The following GRXCR1 variants were observed in gnomAD, a reference collection of about 807,000 sequenced individuals.
GRXCR1 encodes glutaredoxin and cysteine rich domain containing 1.
Under a neutral mutation model 27.3 loss-of-function variants are expected in GRXCR1, and 27 were observed. That is an observed-to-expected ratio of 0.99 (90% CI 0.73 to 1.37). GRXCR1 has a LOEUF of 1.37. GRXCR1 is among the 40% of genes most tolerant of loss of function. GRXCR1 has a pLI of 0.00. For synonymous variants in GRXCR1, 122 were observed against 131.1 expected, an observed-to-expected ratio of 0.93 and a Z score of 0.47; for missense variants, 379 against 354.4, an observed-to-expected ratio of 1.07 and a Z score of -0.56.
chr4:42,971,283 GT>G, intron 2 of GRXCR1, among the ~76,000 whole-genome samples: 1 of 152,176 alleles, frequency 6.6e-6, no homozygotes, highest in South Asian at 2.1e-4. Flanking sequence ...CTGTTCCAAA[GT>G]CTGCCCATTA....
intron 1 of GRXCR1, among the ~76,000 whole-genome samples, chr4:42,932,185 C>T (rs1336567131): frequency 6.6e-6 from 1 of 151,830 alleles, no homozygotes; most frequent in Admixed American, 6.6e-5. Context: ...CTTATTTCTC[C>T]TGTCTTATTG....
intron 2 of GRXCR1, among the ~76,000 whole-genome samples, chr4:42,985,123 T>C (rs1056036310): frequency 1.3e-5 from 2 of 152,198 alleles, no homozygotes; most frequent in Non-Finnish European, 2.9e-5. Context: ...ATGCATGTTT[T>C]CTGGTTCCCT....
intron 1 of GRXCR1, among the ~76,000 whole-genome samples, chr4:42,920,361 C>CA (rs1746981046): frequency 6.9e-6 from 1 of 144,930 alleles, no homozygotes; most frequent in Non-Finnish European, 1.5e-5. Context: ...CTTATAATGG[C>CA]CCAATGAGTG....
chr4:42,926,018 A>G (rs924870422), intron 1 of GRXCR1, among the ~76,000 whole-genome samples: 1 of 151,998 alleles, frequency 6.6e-6, no homozygotes, highest in Non-Finnish European at 1.5e-5. Flanking sequence ...GCTCCTTGAG[A>G]AAAAAAGTTT....
intron 1 of GRXCR1, among the ~76,000 whole-genome samples, chr4:42,904,167 G>A (rs1746532012): frequency 6.6e-6 from 1 of 152,140 alleles, no homozygotes; most frequent in South Asian, 2.1e-4. Flanking sequence ...TTGGTCCATG[G>A]ATTCTGGTGT....
chr4:42,993,426 T>C (rs1388262354), intron 2 of GRXCR1, among the ~76,000 whole-genome samples: 1 of 152,076 alleles, frequency 6.6e-6, no homozygotes, highest in Non-Finnish European at 1.5e-5. Context: ...AGTTTTTAAT[T>C]GCAGATGCTC....
At chr4:42,899,101 A>T (rs187489655) in intron 1 of GRXCR1, among the ~76,000 whole-genome samples, 1 of 152,238 alleles carries the variant, frequency 6.6e-6, no homozygotes, top group African/African-American at 2.4e-5. Flanking sequence ...CATACTGAGT[A>T]GGACCTCAAT....
intron 2 of GRXCR1, among the ~76,000 whole-genome samples, chr4:43,019,641 G>A (rs1713037190): frequency 6.6e-6 from 1 of 152,206 alleles, no homozygotes; most frequent in Non-Finnish European, 1.5e-5. Flanking sequence ...AAATGGAGTA[G>A]TTCGAAGAAA....
At chr4:42,895,437 T>C (rs1268434290) in intron 1 of GRXCR1, among the ~76,000 whole-genome samples, 3 of 152,144 alleles carry the variant, frequency 2.0e-5, no homozygotes, top group South Asian at 2.1e-4. Flanking sequence ...CTTTATAATG[T>C]TGGCAAAGTC....
intron 1 of GRXCR1, among the ~76,000 whole-genome samples, chr4:42,919,988 C>A (rs889191392): frequency 2.0e-5 from 3 of 152,114 alleles, no homozygotes; most frequent in Admixed American, 1.3e-4. Context: ...CTGTGCAAAG[C>A]ATCATGGCCT....
chr4:42,939,275 A>G (rs1213407229), intron 1 of GRXCR1, among the ~76,000 whole-genome samples: 1 of 151,942 alleles, frequency 6.6e-6, no homozygotes, highest in Non-Finnish European at 1.5e-5. Flanking sequence ...ATTGTAAATG[A>G]TATTACTTCC....
chr4:42,933,215 G>A (rs980798458), intron 1 of GRXCR1, among the ~76,000 whole-genome samples: 1 of 151,896 alleles, frequency 6.6e-6, no homozygotes, highest in African/African-American at 2.4e-5. Flanking sequence ...ACCTCTTTAT[G>A]CCTGGCTATT....
At chr4:43,022,646 C>T (rs753436515) in intron 3 of GRXCR1, among the ~76,000 whole-genome samples, 11 of 152,052 alleles carry the variant, frequency 7.2e-5, no homozygotes, top group Non-Finnish European at 1.3e-4. Flanking sequence ...ATCAAGAAAA[C>T]CCAGAACTCT....
At chr4:42,919,451 C>T (rs1746958817) in intron 1 of GRXCR1, among the ~76,000 whole-genome samples, 1 of 152,088 alleles carries the variant, frequency 6.6e-6, no homozygotes, top group South Asian at 2.1e-4. Context: ...TAAAAGTGTG[C>T]CATTCACTTT....
intron 1 of GRXCR1, among the ~76,000 whole-genome samples, chr4:42,914,050 A>G (rs1414005702): frequency 6.6e-6 from 1 of 152,206 alleles, no homozygotes; most frequent in African/African-American, 2.4e-5. Context: ...GAAGTTTGCT[A>G]CAGGTGCAGA....
At chr4:42,970,995 C>T (rs1393808393) in intron 2 of GRXCR1, among the ~76,000 whole-genome samples, 1 of 152,082 alleles carries the variant, frequency 6.6e-6, no homozygotes, top group Non-Finnish European at 1.5e-5. Context: ...AAATGCTTTG[C>T]TGCTTAGAAA....
chr4:43,018,157 A>G (rs1712989262), intron 2 of GRXCR1, among the ~76,000 whole-genome samples: 1 of 152,180 alleles, frequency 6.6e-6, no homozygotes, highest in African/African-American at 2.4e-5. Context: ...CATGGGACCC[A>G]GTAGGGAACA....
intron 1 of GRXCR1, among the ~76,000 whole-genome samples, chr4:42,940,464 G>C (rs1023278044): frequency 6.6e-6 from 1 of 151,950 alleles, no homozygotes; most frequent in African/African-American, 2.4e-5. Context: ...GTAAGGATGG[G>C]AGCAACAACT....
chr4:42,987,243 T>TATATATATAATATATA (rs1711786852), intron 2 of GRXCR1, among the ~76,000 whole-genome samples: 1 of 76,804 alleles, frequency 1.3e-5, no homozygotes, highest in Non-Finnish European at 2.6e-5. Flanking sequence ...ATATATATAA[T>TATATATATAATATATA]ATATAATATA....
Sources: gnomAD v4.1 joint callset for allele counts (sites outside exome capture counted in the v4.1 genomes callset) on GRCh38, gnomAD v4.1.1 for gene constraint, MANE v1.5 for transcripts, NCBI Gene and HGNC (gene_info 2026-07-23, HGNC 2026-07-21) for gene names.